PLCB1: variants seen among roughly 807,000 people sequenced by gnomAD.
PLCB1 encodes the protein 1-phosphatidylinositol 4,5-bisphosphate phosphodiesterase beta-1.
In PLCB1, 46 loss-of-function variants were observed where a neutral mutation model predicts 161.8. The observed-to-expected ratio is 0.28, with a 90% confidence interval of 0.22 to 0.36. The LOEUF (loss-of-function observed/expected upper bound fraction) is 0.36, where lower values mean the gene tolerates loss of function less well. PLCB1 is among the 10% of genes least tolerant of loss of function. PLCB1 has a pLI of 1.00. For synonymous variants in PLCB1, 517 were observed against 503.7 expected (o/e 1.03, Z -0.35); for missense variants, 1,016 against 1,472.5 (o/e 0.69, Z 5.07).
At chr20:8,358,629 A>T (rs1285970108) in intron 2 of PLCB1, among the ~76,000 whole-genome samples, 2 of 151,998 alleles carry the variant, frequency 1.3e-5, no homozygotes, top group Non-Finnish European at 2.9e-5. Flanking sequence ...AATATTTTTG[A>T]TATGTAACAG....
intron 9 of PLCB1, among the ~76,000 whole-genome samples, chr20:8,672,399 CTTTT>C (rs11289990): frequency 2.9e-5 from 4 of 138,542 alleles, no homozygotes; most frequent in Non-Finnish European, 1.6e-5. Flanking sequence ...CTGTTATACT[CTTTT>C]TTTTTTTTTT....
At chr20:8,299,063 A>G (rs546133801) in intron 2 of PLCB1, among the ~76,000 whole-genome samples, 1 of 152,300 alleles carries the variant, frequency 6.6e-6, no homozygotes, top group African/African-American at 2.4e-5. Flanking sequence ...CTGAAGAAGT[A>G]GCAAAAGAGA....
chr20:8,440,442 G>A (rs1261774022), intron 3 of PLCB1, among the ~76,000 whole-genome samples: 1 of 152,118 alleles, frequency 6.6e-6, no homozygotes. Context: ...CAGGTCAAAT[G>A]GGTCCCCAGT....
chr20:8,725,454 G>A (rs1211556013), intron 16 of PLCB1, among the ~76,000 whole-genome samples: 2 of 152,028 alleles, frequency 1.3e-5, no homozygotes, highest in Non-Finnish European at 2.9e-5. Flanking sequence ...ACAGAAATTT[G>A]CCTAAATGTA....
intron 7 of PLCB1, among the ~76,000 whole-genome samples, chr20:8,654,134 C>G (rs763540739): frequency 2.0e-5 from 3 of 151,808 alleles, no homozygotes; most frequent in Non-Finnish European, 2.9e-5. Flanking sequence ...AATGCAAATG[C>G]CACCAGTACT....
intron 31 of PLCB1, among the ~76,000 whole-genome samples, chr20:8,856,691 G>C (rs1987080788): frequency 1.3e-5 from 2 of 152,216 alleles, no homozygotes; most frequent in African/African-American, 4.8e-5. Context: ...TGAAGAGTTA[G>C]AAAATATGCT....
chr20:8,848,298 AC>A (rs1011163916), intron 31 of PLCB1, among the ~76,000 whole-genome samples: 1 of 152,156 alleles, frequency 6.6e-6, no homozygotes, highest in African/African-American at 2.4e-5. Flanking sequence ...GTATTCACCA[AC>A]CTGGAAGCTT....
chr20:8,647,657 T>C (rs944122458), intron 5 of PLCB1, among the ~76,000 whole-genome samples: 4 of 152,204 alleles, frequency 2.6e-5, no homozygotes, highest in African/African-American at 9.6e-5. Context: ...AAAAGTAATC[T>C]ATGCTATTTG....
intron 3 of PLCB1, among the ~76,000 whole-genome samples, chr20:8,518,680 G>T (rs1399655464): frequency 1.2e-4 from 19 of 152,082 alleles, no homozygotes; most frequent in Admixed American, 1.2e-3. Flanking sequence ...CATGGACCAG[G>T]GCAGCAGGTT....
intron 3 of PLCB1, among the ~76,000 whole-genome samples, chr20:8,511,125 A>G (rs1361546505): frequency 6.6e-6 from 1 of 152,110 alleles, no homozygotes; most frequent in Non-Finnish European, 1.5e-5. Flanking sequence ...CTTTTGATTA[A>G]CATCTCTGTC....
chr20:8,719,797 G>T (rs540496875), intron 14 of PLCB1, among the ~76,000 whole-genome samples: 1 of 152,002 alleles, frequency 6.6e-6, no homozygotes, highest in Non-Finnish European at 1.5e-5. Flanking sequence ...CTGTACGCCT[G>T]TTATACATCA....
intron 1 of PLCB1, 34 bp from the exon 2 acceptor site, chr20:8,150,260 A>G: frequency 1.1e-6 from 1 of 911,520 alleles, no homozygotes; most frequent in Non-Finnish European, 1.8e-6. Context: ...ACAGTGATAT[A>G]TGTTGATATT....
intron 3 of PLCB1, among the ~76,000 whole-genome samples, chr20:8,616,158 G>A (rs377616834): frequency 1.8e-4 from 27 of 152,188 alleles, no homozygotes; most frequent in Admixed American, 6.5e-4. Flanking sequence ...TCCTTCCCCC[G>A]TTTAAAGCCA....
chr20:8,498,582 A>G (rs1205422112), intron 3 of PLCB1, among the ~76,000 whole-genome samples: 2 of 152,168 alleles, frequency 1.3e-5, no homozygotes. Context: ...GGCGGGGAAC[A>G]TCCGGAAATA....
intron 3 of PLCB1, among the ~76,000 whole-genome samples, chr20:8,490,887 T>C (rs1168363125): frequency 6.9e-6 from 1 of 144,890 alleles, no homozygotes; most frequent in East Asian, 1.9e-4. Context: ...TGTACACATA[T>C]CTATATGTAC....
intron 3 of PLCB1, among the ~76,000 whole-genome samples, chr20:8,378,406 G>A (rs150917576): frequency 1.4e-4 from 22 of 152,188 alleles, no homozygotes; most frequent in African/African-American, 4.1e-4. Context: ...GCATGTAAAA[G>A]TTATGATTAC....
At chr20:8,475,268 A>G (rs1468153199) in intron 3 of PLCB1, among the ~76,000 whole-genome samples, 1 of 152,108 alleles carries the variant, frequency 6.6e-6, no homozygotes, top group Non-Finnish European at 1.5e-5. Flanking sequence ...ACTCTGTGCT[A>G]CTGAAGACAT....
intron 2 of PLCB1, among the ~76,000 whole-genome samples, chr20:8,271,997 G>A (rs535394655): frequency 6.6e-6 from 1 of 152,192 alleles, no homozygotes; most frequent in East Asian, 1.9e-4. Context: ...GTACGTTTGT[G>A]TCATCCTTTC....
chr20:8,785,682 A>G (rs562253045), intron 27 of PLCB1, among the ~76,000 whole-genome samples: 6 of 152,226 alleles, frequency 3.9e-5, no homozygotes, highest in African/African-American at 1.4e-4. Flanking sequence ...GGAGCCTGAC[A>G]CCAAACCAAC....
Sources: allele counts gnomAD v4.1 joint callset (sites outside exome capture counted in the v4.1 genomes callset), GRCh38; gene constraint gnomAD v4.1.1; transcripts MANE v1.5; gene names NCBI Gene and HGNC (gene_info 2026-07-23, HGNC 2026-07-21).